The following MRTFA variants were observed in gnomAD, a reference collection of about 807,000 sequenced individuals.
MRTFA encodes myocardin-related transcription factor A.
In MRTFA, 20 loss-of-function variants were observed where a neutral mutation model predicts 83.5. The observed-to-expected ratio is 0.24, with a 90% confidence interval of 0.17 to 0.35. The LOEUF (loss-of-function observed/expected upper bound fraction) is 0.35, where lower values mean the gene tolerates loss of function less well. Among genes scored for constraint, MRTFA ranks in the 10% least tolerant of loss-of-function variants. The probability of loss-of-function intolerance (pLI) is 1.00; values close to 1 mark genes in which losing one functional copy is unlikely to be tolerated. For missense variants in MRTFA, 1,200 were observed against 1,224.7 expected (o/e 0.98, Z 0.30); for synonymous variants, 659 against 541.2 (o/e 1.22, Z -3.02).
chr22:40,507,557 C>CGT (rs2054599271), intron 3 of MRTFA, among the ~76,000 whole-genome samples: 1 of 151,692 alleles, frequency 6.6e-6, no homozygotes, highest in African/African-American at 2.4e-5. Flanking sequence ...GTCAAGGCTG[C>CGT]AGTGAGCTAT....
At chr22:40,538,828 G>C (rs1203551759) in intron 3 of MRTFA, among the ~76,000 whole-genome samples, 1 of 152,040 alleles carries the variant, frequency 6.6e-6, no homozygotes, top group Non-Finnish European at 1.5e-5. Context: ...ATGACTTCAA[G>C]TTAATAGCAC....
At chr22:40,465,689 T>C (rs971074600) in intron 3 of MRTFA, among the ~76,000 whole-genome samples, 8 of 151,820 alleles carry the variant, frequency 5.3e-5, no homozygotes, top group Non-Finnish European at 1.2e-4. Context: ...GCCTCTGGAG[T>C]AGCTGGAACT....
chr22:40,613,456 C>G (rs760078863), intron 1 of MRTFA, among the ~76,000 whole-genome samples: 3 of 152,204 alleles, frequency 2.0e-5, no homozygotes, highest in Non-Finnish European at 4.4e-5. Flanking sequence ...CTACAAGCAA[C>G]AGGCCTGAAC....
At chr22:40,538,193 A>G (rs1370191686) in intron 3 of MRTFA, among the ~76,000 whole-genome samples, 4 of 45,508 alleles carry the variant, frequency 8.8e-5, no homozygotes, top group Non-Finnish European at 1.3e-4. Context: ...AGAAGTAGAC[A>G]TGGGAGACTT....
At chr22:40,575,597 A>T (rs1475949563) in intron 2 of MRTFA, among the ~76,000 whole-genome samples, 1 of 152,226 alleles carries the variant, frequency 6.6e-6, no homozygotes, top group Non-Finnish European at 1.5e-5. Context: ...ATATCTCCAT[A>T]GCTCAACTAT....
At chr22:40,634,590 C>T (rs2074873665) in intron 1 of MRTFA, among the ~76,000 whole-genome samples, 1 of 152,156 alleles carries the variant, frequency 6.6e-6, no homozygotes, top group Admixed American at 6.5e-5. Context: ...TTTGCCTCTC[C>T]CACTAGACTG....
At chr22:40,436,089 A>G (rs1016781631) in intron 4 of MRTFA, among the ~76,000 whole-genome samples, 3 of 152,170 alleles carry the variant, frequency 2.0e-5, no homozygotes, top group Non-Finnish European at 2.9e-5. Flanking sequence ...TCCTAATGGG[A>G]ACTGTCACTG....
intron 2 of MRTFA, among the ~76,000 whole-genome samples, chr22:40,588,771 C>G (rs1318820627): frequency 6.6e-6 from 1 of 152,136 alleles, no homozygotes; most frequent in African/African-American, 2.4e-5. Context: ...TGCTCGAGCC[C>G]AGGAGTTCGA....
At chr22:40,626,115 C>G (rs1255743584) in intron 1 of MRTFA, among the ~76,000 whole-genome samples, 2 of 151,512 alleles carry the variant, frequency 1.3e-5, no homozygotes, top group Non-Finnish European at 2.9e-5. Context: ...TCCCAAGTAG[C>G]TGGAATTACA....
intron 1 of MRTFA, among the ~76,000 whole-genome samples, chr22:40,605,565 G>A (rs1490921060): frequency 1.3e-5 from 2 of 152,210 alleles, no homozygotes; most frequent in African/African-American, 4.8e-5. Flanking sequence ...GTTTTGAGCA[G>A]AGAAGTGATG....
chr22:40,622,581 G>C (rs184603516), intron 1 of MRTFA, among the ~76,000 whole-genome samples: 3 of 152,210 alleles, frequency 2.0e-5, no homozygotes, highest in Admixed American at 2.0e-4. Context: ...GCAGGAGAAA[G>C]AGATGTGCAG....
At chr22:40,524,159 G>T (rs548557167) in intron 3 of MRTFA, among the ~76,000 whole-genome samples, 57 of 152,268 alleles carry the variant, frequency 3.7e-4, no homozygotes, top group African/African-American at 1.3e-3. Context: ...GCTGGGCCTA[G>T]TGATGTGCAC....
At chr22:40,505,973 C>T (rs2054573906) in intron 3 of MRTFA, among the ~76,000 whole-genome samples, 15 of 152,220 alleles carry the variant, frequency 9.9e-5, no homozygotes, top group Admixed American at 9.8e-4. Flanking sequence ...GTGGCTCACA[C>T]CTGTAATCCA....
At chr22:40,470,229 TTTTATATATA>T (rs56755435) in intron 3 of MRTFA, among the ~76,000 whole-genome samples, 649 of 58,742 alleles carry the variant, frequency 0.011, 20 homozygotes, top group African/African-American at 0.051. Context: ...ATCTCCAAAA[TTTTATATATA>T]TATATATATA....
At chr22:40,612,146 A>C (rs2056394122) in intron 1 of MRTFA, among the ~76,000 whole-genome samples, 1 of 152,222 alleles carries the variant, frequency 6.6e-6, no homozygotes, top group South Asian at 2.1e-4. Context: ...GTAATTCCTC[A>C]CAATGAGCAA....
chr22:40,569,043 TAATAC>T (rs1195864439), intron 2 of MRTFA, among the ~76,000 whole-genome samples: 2 of 151,822 alleles, frequency 1.3e-5, no homozygotes, highest in East Asian at 3.9e-4. Flanking sequence ...ATGAAAAAAA[TAATAC>T]AATAGGAAGA....
rs1419675880 is a variant in MRTFA, at chr22:40,552,141, T to C, written c.206A>G (p.Asn69Ser). 3 of 398,874 alleles carry C rather than the reference T, an allele frequency of 7.5e-6. No homozygotes were observed. The highest frequency in any genetic ancestry group is 1.3e-5 in the Non-Finnish European group (3 of 226,066). 24.7% of individuals were successfully genotyped at this position (398,874 alleles called of 1,614,324 possible). A position where few individuals can be genotyped will look rare whatever the true frequency, so the allele number is the denominator to read the frequency against. ...CTCACTAAGTGGAGGCAAATTGGGA[T>C]TCCTGCCAGGGTGGAGGCCTAGGGT... Residue 69 changes from asparagine (N) to serine (S), a missense_variant, in exon 3 of 15, where the codon AAT becomes AGT. Transcript: ENST00000355630.
Position 40,410,872 on chromosome 22 carries a change from A to C in MRTFA, c.*518T>G. The C allele has an allele frequency of 8.6e-6, 2 of 233,760 alleles. No homozygotes were observed. Among genetic ancestry groups the C allele is most frequent in the East Asian group, 1.2e-4 (2 of 16,562 alleles). The allele number at this position is 233,760 out of a possible 1,614,324, so 14.5% of individuals were successfully genotyped here. On this transcript the variant is annotated 3_prime_UTR_variant, in exon 15 of 15. Coordinates refer to ENST00000355630, the MANE Select transcript of MRTFA (RefSeq NM_020831.6). Reference sequence around the variant, plus strand: ...TTGCCACCAACCACTAAATGGTTACACTACACCAAGACACTAAAATGGCAG... The same window carrying C: ...TTGCCACCAACCACTAAATGGTTACCCTACACCAAGACACTAAAATGGCAG...
At chr22:40,481,697 G>T (rs758413518) in intron 3 of MRTFA, among the ~76,000 whole-genome samples, 1 of 152,146 alleles carries the variant, frequency 6.6e-6, no homozygotes, top group Non-Finnish European at 1.5e-5. Context: ...GAGTATTCCA[G>T]ACATAAGAAA....
Sources: allele counts gnomAD v4.1 joint callset (sites outside exome capture counted in the v4.1 genomes callset), GRCh38; gene constraint gnomAD v4.1.1; transcripts MANE v1.5; gene names NCBI Gene and HGNC (gene_info 2026-07-23, HGNC 2026-07-21).